The following NOX5 variants were observed in gnomAD, a reference collection of about 807,000 sequenced individuals.
NOX5 encodes the protein NADPH oxidase, EF-hand calcium binding domain 5.
In NOX5, 76 loss-of-function variants were observed where a neutral mutation model predicts 85.7. The observed-to-expected ratio is 0.89, with a 90% CI of 0.74 to 1.07. NOX5 has a LOEUF of 1.07. Ranked by LOEUF, NOX5 falls within the 50% of genes least tolerant of loss-of-function variation. NOX5 has a pLI of 0.00. For synonymous variants in NOX5, 405 were observed against 401.4 expected (o/e 1.01, Z -0.11); for missense variants, 973 against 999.5 (o/e 0.97, Z 0.36).
At chr15:69,021,711 T>A (rs2050297452) in intron 1 of NOX5, among the ~76,000 whole-genome samples, 1 of 152,240 alleles carries the variant, frequency 6.6e-6, no homozygotes, top group African/African-American at 2.4e-5. Flanking sequence ...ACCAAACATT[T>A]GCACACAGTA....
At chr15:69,025,314 C>A (rs577527522) in intron 1 of NOX5, among the ~76,000 whole-genome samples, 8 of 151,650 alleles carry the variant, frequency 5.3e-5, no homozygotes, top group Non-Finnish European at 1.2e-4. Context: ...AGCCTTTGCT[C>A]GCTTAGAAAT....
intron 9 of NOX5, among the ~76,000 whole-genome samples, chr15:69,040,903 G>T (rs1320593168): frequency 6.6e-6 from 1 of 152,096 alleles, no homozygotes; most frequent in African/African-American, 2.4e-5. Flanking sequence ...GGCCAGGCTG[G>T]TCTTGAACTC....
intron 1 of NOX5, among the ~76,000 whole-genome samples, chr15:69,018,445 G>A (rs2050256863): frequency 6.6e-6 from 1 of 152,112 alleles, no homozygotes; most frequent in South Asian, 2.1e-4. Flanking sequence ...CCTAGAAAAC[G>A]CTGCTCTGAT....
Position 69,028,262 on chromosome 15 carries a change from T to A in NOX5, c.222T>A (p.Ser74Arg), listed in dbSNP as rs781188939. Reference protein sequence around the residue: ...RFFALFDSDRSGTITLQELQE... With the variant: ...RFFALFDSDRRGTITLQELQE... ...TTGCCCTATTTGACTCCGATAGAAG[T>A]GGCACCATCACCCTCCAGGAGCTGC... The change falls in exon 3 of 16, where the codon AGT becomes AGA. Residue 74 changes from serine to arginine, a missense_variant. Physicochemically the swap from Ser to Arg is moderately radical, Grantham distance 110. Coordinates refer to ENST00000388866, the MANE Select transcript of NOX5 (RefSeq NM_024505.4). 15 of 1,613,180 alleles carry A rather than the reference T, an allele frequency of 9.3e-6. No individual in the cohort carries two copies. In the South Asian group the frequency reaches 1.6e-4, roughly 18 times the overall value.
intron 1 of NOX5, among the ~76,000 whole-genome samples, chr15:69,021,623 C>G (rs1221364220): frequency 6.6e-6 from 1 of 152,124 alleles, no homozygotes; most frequent in African/African-American, 2.4e-5. Context: ...GCCTAACTGT[C>G]ATTTTGAATT....
At chr15:69,055,562 G>T (rs1012997375) in intron 15 of NOX5, 62 bp downstream of exon 15, 4 of 1,570,710 alleles carry the variant, frequency 2.5e-6, no homozygotes, top group African/African-American at 1.3e-5. Context: ...TCGAGGCAGC[G>T]GTGGGGAGAC....
intron 9 of NOX5, among the ~76,000 whole-genome samples, chr15:69,041,595 C>T (rs2050595112): frequency 6.6e-6 from 1 of 152,222 alleles, no homozygotes; most frequent in Non-Finnish European, 1.5e-5. Flanking sequence ...ATGCTCACTA[C>T]TACTTCTGAT....
At position 69,031,693 on chromosome 15, in the gene NOX5, C is replaced by T. The variant is rs762047068; in HGVS notation, c.501C>T (p.Asp167=). 1 of 1,613,264 alleles carries T rather than the reference C, an allele frequency of 6.2e-7. No homozygotes were observed. Among genetic ancestry groups the T allele is most frequent in the East Asian group, 2.2e-5 (1 of 44,870 alleles). Residue 167 remains aspartate, a synonymous_variant, in exon 4 of 16, where the codon GAC becomes GAT. Coordinates refer to ENST00000388866, the MANE Select transcript of NOX5 (RefSeq NM_024505.4). ...TCTCGCTGCCTGACGAGAAGCTGGA[C>T]CAGCTGACGCTGGCGCTCTTCGAAT... ...SAISLPDEKL[D]QLTLALFESA...
rs997907312 is a variant in NOX5 at position 69,035,242 on chromosome 15, T to C, written c.856-112T>C. The C allele has an allele frequency of 5.1e-6, 6 of 1,184,032 alleles. No individual in the cohort carries two copies. In the African/African-American group the frequency reaches 9.1e-5, roughly 18 times the overall value. 73.3% of individuals were successfully genotyped at this position (1,184,032 alleles called of 1,614,324 possible). On this transcript the variant is annotated intron_variant, in intron 5 of 15. Coordinates refer to ENST00000388866, the MANE Select transcript of NOX5 (RefSeq NM_024505.4). ...CATGGGGGCAGGGGACTTTGGTGAG[T>C]GTCCTGTTCAGAAAGCACAGCTAGC...
chr15:69,052,878 TATG>T (rs1399729142), intron 14 of NOX5, among the ~76,000 whole-genome samples: 1 of 152,250 alleles, frequency 6.6e-6, no homozygotes, highest in Non-Finnish European at 1.5e-5. Flanking sequence ...AACTCAATTT[TATG>T]ATGACAAGCT....
intron 1 of NOX5, among the ~76,000 whole-genome samples, chr15:69,018,084 A>G (rs1243797005): frequency 6.6e-6 from 1 of 152,034 alleles, no homozygotes; most frequent in Non-Finnish European, 1.5e-5. Flanking sequence ...AGATGATGCA[A>G]TTGTGGGCGG....
chr15:69,039,068 G>A (rs767120473), intron 9 of NOX5, 79 bp downstream of exon 9: 32 of 1,503,822 alleles, frequency 2.1e-5, no homozygotes, highest in Non-Finnish European at 2.9e-5. Context: ...TGGAAACTCG[G>A]AACACAGCAC....
intron 14 of NOX5, among the ~76,000 whole-genome samples, chr15:69,049,821 T>C (rs1232482869): frequency 6.6e-6 from 1 of 152,196 alleles, no homozygotes; most frequent in Non-Finnish European, 1.5e-5. Flanking sequence ...GTTTGGCTTT[T>C]GAAGTATAAT....
Position 69,055,501 on chromosome 15 carries a change from G to C in NOX5, c.2166+1G>C. ...GCCTGGGCGGCCTGACTGGAGCAAG[G>C]TAATGCCAACTGGAGCCCTGCAGCT... On this transcript the variant is annotated splice_donor_variant, in intron 15 of 15. Coordinates refer to ENST00000388866, the MANE Select transcript of NOX5 (RefSeq NM_024505.4). LOFTEE classifies it high-confidence loss of function. The C allele has an allele frequency of 6.2e-7, 1 of 1,613,464 alleles. No individual in the cohort carries two copies. The highest frequency in any genetic ancestry group is 8.5e-7 in the Non-Finnish European group (1 of 1,179,752).
rs1170023307 is a variant in NOX5, at chr15:69,062,214, G to A, written c.*5518G>A. The A allele has an allele frequency of 6.6e-6, 1 of 151,972 alleles. No individual in the cohort carries two copies. The highest frequency in any genetic ancestry group is 1.5e-5 in the Non-Finnish European group (1 of 68,002). 9.4% of individuals were successfully genotyped at this position (151,972 alleles called of 1,614,324 possible). On this transcript the variant is annotated 3_prime_UTR_variant, in exon 16 of 16. Transcript: ENST00000388866. ...TTCCTTCCCCACTGGCCCTGCCTTG[G>A]TTCAGTCCTTAAATTGCCTATTGCC... is the stretch of plus-strand genomic sequence containing the variant.
intron 13 of NOX5, among the ~76,000 whole-genome samples, chr15:69,048,699 C>T (rs1353201420): frequency 6.6e-6 from 1 of 152,148 alleles, no homozygotes; most frequent in Non-Finnish European, 1.5e-5. Flanking sequence ...TATTTCAACA[C>T]ACTGTTTGTT....
At chr15:69,042,843 G>A (rs1351545034) in intron 10 of NOX5, 38 bp downstream of exon 10, 1 of 1,599,592 alleles carries the variant, frequency 6.3e-7, no homozygotes, top group Non-Finnish European at 8.5e-7. Flanking sequence ...CACTCTGCTG[G>A]CAAGTCCACA....
chr15:69,047,482 G>A lies in NOX5; in HGVS notation c.1762G>A (p.Gly588Arg), dbSNP rs188055665. The A allele has an allele frequency of 2.3e-4, 365 of 1,613,900 alleles. 3 individuals carry two copies. Among genetic ancestry groups the A allele is most frequent in the Middle Eastern group, 8.3e-4 (5 of 6,060 alleles). The change falls in exon 12 of 16, where the codon GGG (glycine) becomes AGG (arginine). Residue 588 changes from glycine (G) to arginine (R), a missense_variant. Physicochemically the swap from Gly to Arg is moderately radical, Grantham distance 125. Coordinates refer to ENST00000388866, the MANE Select transcript of NOX5 (RefSeq NM_024505.4). Reference protein sequence around the residue: ...IFASEHAVLIGAGIGITPFAS... With the variant: ...IFASEHAVLIRAGIGITPFAS... Reference sequence around the variant, plus strand: ...TGCCTCTGAGCATGCCGTGCTCATCGGGGCAGGCATCGGCATCACCCCCTT... The same window carrying A: ...TGCCTCTGAGCATGCCGTGCTCATCAGGGCAGGCATCGGCATCACCCCCTT...
intron 11 of NOX5, 100 bp downstream of exon 11, chr15:69,046,966 T>C: frequency 1.3e-5 from 16 of 1,238,492 alleles, no homozygotes; most frequent in Non-Finnish European, 4.7e-6. Context: ...TTGTGGGTAC[T>C]CAAGCTCCTC....
Sources: gnomAD v4.1 joint callset for allele counts (sites outside exome capture counted in the v4.1 genomes callset) on GRCh38, gnomAD v4.1.1 for gene constraint, MANE v1.5 for transcripts, NCBI Gene and HGNC (gene_info 2026-07-23, HGNC 2026-07-21) for gene names.